Variants in DLG2 observed in about 807,000 individuals in gnomAD.
DLG2 encodes disks large homolog 2.
In DLG2, 45 loss-of-function variants were observed where a neutral mutation model predicts 132.5. That is an observed-to-expected ratio of 0.34 (90% CI 0.27 to 0.44). DLG2 has a LOEUF of 0.44. DLG2 is among the 20% of genes least tolerant of loss of function. The pLI, the probability that DLG2 is intolerant of heterozygous loss-of-function variation, is 1.00. For missense variants in DLG2, 1,045 were observed against 1,196.9 expected, an observed-to-expected ratio of 0.87 and a Z score of 1.87; for synonymous variants, 424 against 419.6, an observed-to-expected ratio of 1.01 and a Z score of -0.13.
intron 3 of DLG2, among the ~76,000 whole-genome samples, chr11:85,415,470 CCAA>C (rs1335924888): frequency 1.3e-5 from 2 of 152,148 alleles, no homozygotes; most frequent in African/African-American, 2.4e-5. Flanking sequence ...ATTTACACTC[CCAA>C]CGACAGTGTA....
chr11:84,398,540 A>C (rs893949277), intron 7 of DLG2, among the ~76,000 whole-genome samples: 3 of 152,236 alleles, frequency 2.0e-5, no homozygotes, highest in Non-Finnish European at 4.4e-5. Context: ...CTCAGCCTTA[A>C]TATAGGATTT....
chr11:85,445,700 A>G (rs1431346431), intron 3 of DLG2, among the ~76,000 whole-genome samples: 1 of 152,194 alleles, frequency 6.6e-6, no homozygotes. Flanking sequence ...AAAAGATTGA[A>G]AGCACTAATC....
intron 3 of DLG2, among the ~76,000 whole-genome samples, chr11:85,493,274 C>G (rs1171994583): frequency 6.6e-6 from 1 of 152,150 alleles, no homozygotes; most frequent in African/African-American, 2.4e-5. Flanking sequence ...AATAAACTTA[C>G]AACTACACTA....
intron 6 of DLG2, among the ~76,000 whole-genome samples, chr11:84,740,504 T>C (rs1009361682): frequency 3.3e-5 from 5 of 150,702 alleles, no homozygotes; most frequent in African/African-American, 1.2e-4. Context: ...ACCCAGCCAC[T>C]GTGGGCCAAG....
chr11:84,359,934 A>G (rs1396785847), intron 7 of DLG2, among the ~76,000 whole-genome samples: 1 of 151,966 alleles, frequency 6.6e-6, no homozygotes, highest in African/African-American at 2.4e-5. Context: ...GATATATTTG[A>G]TGAGTTAATT....
chr11:84,270,659 C>T (rs546387854), intron 7 of DLG2, among the ~76,000 whole-genome samples: 15 of 152,238 alleles, frequency 9.9e-5, no homozygotes, highest in East Asian at 1.9e-4. Flanking sequence ...TGAGATGATC[C>T]GGACCATCTA....
intron 6 of DLG2, among the ~76,000 whole-genome samples, chr11:84,733,486 T>C (rs2063427457): frequency 6.6e-6 from 1 of 152,124 alleles, no homozygotes; most frequent in South Asian, 2.1e-4. Context: ...GTTGATAGGG[T>C]TGTTTCTTTC....
intron 6 of DLG2, among the ~76,000 whole-genome samples, chr11:84,944,919 G>A (rs1419645779): frequency 6.6e-6 from 1 of 152,174 alleles, no homozygotes; most frequent in African/African-American, 2.4e-5. Flanking sequence ...AGTTTATCTG[G>A]TAGGATTCTG....
intron 6 of DLG2, among the ~76,000 whole-genome samples, chr11:84,650,869 G>A (rs555171458): frequency 0.31 from 35,718 of 116,904 alleles, 5,644 homozygotes; most frequent in South Asian, 0.5. Flanking sequence ...GTGTGTGTGT[G>A]TGTGTATATA....
At chr11:85,320,312 T>C (rs564557910) in intron 3 of DLG2, among the ~76,000 whole-genome samples, 1 of 151,900 alleles carries the variant, frequency 6.6e-6, no homozygotes, top group Non-Finnish European at 1.5e-5. Flanking sequence ...ATTAAGCAGC[T>C]TGTCTAAATT....
chr11:84,719,761 G>T (rs1178623695), intron 6 of DLG2, among the ~76,000 whole-genome samples: 2 of 152,158 alleles, frequency 1.3e-5, no homozygotes, highest in Non-Finnish European at 2.9e-5. Flanking sequence ...CAAGTGGATT[G>T]TATAAAAGGG....
At chr11:83,641,946 A>C (rs1566222435) in intron 18 of DLG2, among the ~76,000 whole-genome samples, 1 of 151,930 alleles carries the variant, frequency 6.6e-6, no homozygotes, top group Non-Finnish European at 1.5e-5. Flanking sequence ...AAAGAGAGAG[A>C]GATACAGAGA....
At chr11:84,647,216 C>A (rs561674259) in intron 6 of DLG2, among the ~76,000 whole-genome samples, 1 of 152,146 alleles carries the variant, frequency 6.6e-6, no homozygotes, top group African/African-American at 2.4e-5. Context: ...TAGAAAGGTA[C>A]GTACAATTAT....
At chr11:85,102,802 G>T (rs566042141) in intron 6 of DLG2, among the ~76,000 whole-genome samples, 23 of 151,956 alleles carry the variant, frequency 1.5e-4, no homozygotes, top group Non-Finnish European at 2.8e-4. Flanking sequence ...TTAAATAAAA[G>T]GCATCCAGAT....
intron 9 of DLG2, among the ~76,000 whole-genome samples, chr11:84,130,355 A>G (rs992584684): frequency 1.3e-5 from 2 of 151,978 alleles, no homozygotes; most frequent in Admixed American, 6.6e-5. Context: ...CTTCACCAAC[A>G]CCTACAGTAG....
intron 8 of DLG2, among the ~76,000 whole-genome samples, chr11:84,249,064 T>A (rs1309773363): frequency 6.6e-6 from 1 of 152,200 alleles, no homozygotes; most frequent in Non-Finnish European, 1.5e-5. Flanking sequence ...GATAAATTAT[T>A]TCTACATGAG....
chr11:84,028,456 C>T (rs1005105334), intron 11 of DLG2, among the ~76,000 whole-genome samples: 4 of 150,554 alleles, frequency 2.7e-5, no homozygotes, highest in South Asian at 2.1e-4. Flanking sequence ...AACTCTGTAA[C>T]ACTGATCCTT....
At chr11:85,500,839 C>A (rs2093784241) in intron 3 of DLG2, among the ~76,000 whole-genome samples, 1 of 152,256 alleles carries the variant, frequency 6.6e-6, no homozygotes, top group African/African-American at 2.4e-5. Context: ...AATGGCATTA[C>A]TGCCCAAAGT....
intron 6 of DLG2, among the ~76,000 whole-genome samples, chr11:85,095,606 C>G (rs545532260): frequency 6.6e-6 from 1 of 152,282 alleles, no homozygotes; most frequent in South Asian, 2.1e-4. Context: ...GCTCCTATCC[C>G]TCTTCACAGG....
Sources: gnomAD v4.1 joint callset for allele counts (sites outside exome capture counted in the v4.1 genomes callset) on GRCh38, gnomAD v4.1.1 for gene constraint, MANE v1.5 for transcripts, NCBI Gene and HGNC (gene_info 2026-07-23, HGNC 2026-07-21) for gene names.